Variants in PHACTR2 observed in about 807,000 individuals in gnomAD.
The protein encoded by PHACTR2 is chromosome 6 open reading frame 56.
Under a neutral mutation model 76.0 loss-of-function variants are expected in PHACTR2, and 30 were observed. The observed-to-expected ratio is 0.39, with a 90% CI of 0.30 to 0.54. The LOEUF (loss-of-function observed/expected upper bound fraction) is 0.54. Ranked by LOEUF, PHACTR2 falls within the 20% of genes least tolerant of loss-of-function variation. The pLI is 0.61. For missense variants in PHACTR2, 696 were observed against 781.1 expected (o/e 0.89, Z 1.30); for synonymous variants, 292 against 292.5 (o/e 1.00, Z 0.02).
chr6:143,693,517 C>T (rs917942153), intron 1 of PHACTR2, among the ~76,000 whole-genome samples: 42 of 152,320 alleles, frequency 2.8e-4, no homozygotes, highest in East Asian at 2.5e-3. Flanking sequence ...GGATTACAGG[C>T]ATGAGCCACC....
intron 1 of PHACTR2, among the ~76,000 whole-genome samples, chr6:143,542,558 G>A (rs549880185): frequency 6.6e-6 from 1 of 152,136 alleles, no homozygotes; most frequent in Non-Finnish European, 1.5e-5. Flanking sequence ...GCTTCTGTTT[G>A]TCTCTCTGTT....
At chr6:143,732,126 A>T (rs146175427) in intron 2 of PHACTR2, among the ~76,000 whole-genome samples, 148 of 152,362 alleles carry the variant, frequency 9.7e-4, no homozygotes, top group African/African-American at 3.3e-3. Flanking sequence ...CTTTAAATTA[A>T]ATGGCCTTGT....
At chr6:143,706,849 T>C (rs1225741808) in intron 1 of PHACTR2, among the ~76,000 whole-genome samples, 2 of 152,216 alleles carry the variant, frequency 1.3e-5, no homozygotes, top group Non-Finnish European at 2.9e-5. Context: ...ATACCATCAC[T>C]TCACCCTGAC....
rs1451300746 is a variant in PHACTR2 at position 143,818,557 on chromosome 6, A to G, written c.1923-5117A>G. 6.6e-6 allele frequency among the ~76,000 whole-genome samples: 1 copy of G among 152,250 alleles called. No homozygotes were observed. Among genetic ancestry groups the G allele is most frequent in the African/African-American group, 2.4e-5 (1 of 41,466 alleles). On this transcript the variant is annotated intron_variant, in intron 12 of 12. Coordinates refer to ENST00000440869, the MANE Select transcript of PHACTR2 (RefSeq NM_001100164.2). This position sits in a 1 kb window ranked among gnomAD's most constrained non-coding sequence, Gnocchi z 4.9. ...TCCATTCTCATGCTGTTATAAGGACATACCCGAGACTGGGTAATTTATAAA... is the reference window on the plus strand; with the variant it reads ...TCCATTCTCATGCTGTTATAAGGACGTACCCGAGACTGGGTAATTTATAAA...
chr6:143,642,248 G>C (rs139785184), intron 1 of PHACTR2, among the ~76,000 whole-genome samples: 1 of 152,188 alleles, frequency 6.6e-6, no homozygotes, highest in Non-Finnish European at 1.5e-5. Flanking sequence ...TGAAGATCCA[G>C]CTTCTGTACC....
At chr6:143,628,973 A>ATATATATG (rs1776312530) in intron 1 of PHACTR2, among the ~76,000 whole-genome samples, 1 of 110,800 alleles carries the variant, frequency 9.0e-6, no homozygotes, top group Non-Finnish European at 1.8e-5. Flanking sequence ...ATATATATAT[A>ATATATATG]TATATACTGC....
At position 143,571,417 on chromosome 6, in the gene PHACTR2, TC is replaced by T. The variant is rs757155099; in HGVS notation, c.217+34211del. Among the ~76,000 whole-genome samples the T allele has an allele frequency of 9.9e-5, 15 of 152,202 alleles. No homozygotes were observed. Among genetic ancestry groups the T allele is most frequent in the Non-Finnish European group, 1.8e-4 (12 of 68,038 alleles). Reference sequence around the variant, plus strand: ...ATAATCCATTACTATCTACTTTATTTCTTTTTTTAGAGACCCTCCAGCTCTG... The same window carrying T: ...ATAATCCATTACTATCTACTTTATTTTTTTTTTAGAGACCCTCCAGCTCTG... On this transcript the variant is annotated intron_variant, in intron 1 of 11. Transcript: ENST00000367584. The surrounding 1 kb of genome is among the most constrained non-coding windows in gnomAD (Gnocchi z 4.6).
At chr6:143,810,734 A>G (rs1255972926) in intron 12 of PHACTR2, among the ~76,000 whole-genome samples, 1 of 151,882 alleles carries the variant, frequency 6.6e-6, no homozygotes, top group Non-Finnish European at 1.5e-5. Flanking sequence ...TGGGTGGCTG[A>G]GGTGAGAGAA....
chr6:143,738,623 G>GT lies in PHACTR2; in HGVS notation c.215-10361dup, dbSNP rs1363308595. 6.6e-6 allele frequency among the ~76,000 whole-genome samples: 1 copy of GT among 151,848 alleles called. No homozygotes were observed. The highest frequency in any genetic ancestry group is 1.9e-4 in the East Asian group (1 of 5,146). On this transcript the variant is annotated intron_variant, in intron 2 of 12. Transcript: ENST00000440869. The surrounding 1 kb of genome is among the most constrained non-coding windows in gnomAD (Gnocchi z 4.0). ...AAACAAAAATTAGCTGGGCATGGTG[G>GT]TGCATGCCTGTAGTCCCAGCTACTT...
Position 143,813,779 on chromosome 6 carries a change from TTGAGAAG to T in PHACTR2, c.1922+6648_1922+6654del, listed in dbSNP as rs1776236426. Among the ~76,000 whole-genome samples, 3 of 152,280 alleles carry T rather than the reference TTGAGAAG, an allele frequency of 2.0e-5. No individual in the cohort carries two copies. In the East Asian group the frequency reaches 5.8e-4, roughly 29 times the overall value. On this transcript the variant is annotated intron_variant, in intron 12 of 12. Coordinates refer to ENST00000440869, the MANE Select transcript of PHACTR2 (RefSeq NM_001100164.2). ...TAATGGTAAGAAGTTTTTCTTCATG[TTGAGAAG>T]TTTCTTAATGTTGAGAAGTTTTCTC...
At chr6:143,551,775 G>A (rs1041054650) in intron 1 of PHACTR2, among the ~76,000 whole-genome samples, 1 of 152,132 alleles carries the variant, frequency 6.6e-6, no homozygotes, top group African/African-American at 2.4e-5. Context: ...TGTTATCTGT[G>A]GTTGATATTA....
At chr6:143,670,841 A>G (rs1022415760) in intron 1 of PHACTR2, among the ~76,000 whole-genome samples, 11 of 152,070 alleles carry the variant, frequency 7.2e-5, no homozygotes, top group Admixed American at 1.3e-4. Context: ...GCCTACTTCT[A>G]TCAATTCATC....
At chr6:143,669,499 G>A (rs184406003) in intron 1 of PHACTR2, among the ~76,000 whole-genome samples, 2 of 152,246 alleles carry the variant, frequency 1.3e-5, no homozygotes, top group Admixed American at 1.3e-4. Context: ...ATTATTGCAT[G>A]GGAGTCTAAG....
chr6:143,560,702 G>T (rs1270968427), intron 1 of PHACTR2, among the ~76,000 whole-genome samples: 3 of 152,182 alleles, frequency 2.0e-5, no homozygotes, highest in Admixed American at 2.0e-4. Flanking sequence ...TCACCCAGAG[G>T]AGGTATTGGA....
At position 143,672,923 on chromosome 6, in the gene PHACTR2, C is replaced by T. The variant is rs1484137928; in HGVS notation, c.14-39093C>T. ...TATTTTTAGTAGAGACAGGGTTTCA[C>T]CATGTTGGCCAGGCTGGTCTCAAGC... On this transcript the variant is annotated intron_variant, in intron 1 of 11. Coordinates refer to the PHACTR2 transcript ENST00000305766. This position sits in a 1 kb window ranked among gnomAD's most constrained non-coding sequence, Gnocchi z 5.8. Among the ~76,000 whole-genome samples, 2 of 152,188 alleles carry T rather than the reference C, an allele frequency of 1.3e-5. No individual in the cohort carries two copies. Among genetic ancestry groups the T allele is most frequent in the African/African-American group, 4.8e-5 (2 of 41,520 alleles).
chr6:143,791,058 T>C lies in PHACTR2; in HGVS notation c.1845+2148T>C, dbSNP rs79721622. On this transcript the variant is annotated intron_variant, in intron 11 of 12. Transcript: ENST00000440869. This position sits in a 1 kb window ranked among gnomAD's most constrained non-coding sequence, Gnocchi z 4.7. ...ATGATTTTGTTTCTGGTTTTAAAAA[T>C]TCTTTGCATACCAAAATGATAGATA... Among the ~76,000 whole-genome samples, 1,107 of 152,334 alleles carry C rather than the reference T, an allele frequency of 7.3e-3. 7 individuals carry two copies. The highest frequency in any genetic ancestry group is 0.02 in the Middle Eastern group (6 of 294).
chr6:143,827,158 ATATATATAT>A lies in PHACTR2; in HGVS notation c.*3470_*3478del, dbSNP rs1776553212. 3.8e-4 allele frequency: 13 copies of A among 33,810 alleles called. No homozygotes were observed. The highest frequency in any genetic ancestry group is 8.6e-4 in the African/African-American group (7 of 8,146). The allele number at this position is 33,810 out of a possible 1,614,324, so 2.1% of individuals were successfully genotyped here. On this transcript the variant is annotated 3_prime_UTR_variant, in exon 13 of 13. Coordinates refer to ENST00000440869, the MANE Select transcript of PHACTR2 (RefSeq NM_001100164.2). ...CTGCGTTGGCATTAAAAAAGAAAAT[ATATATATAT>A]ATATATATATATATATATATATATA...
At chr6:143,786,330 A>G (rs1210738578) in intron 10 of PHACTR2, among the ~76,000 whole-genome samples, 1 of 152,242 alleles carries the variant, frequency 6.6e-6, no homozygotes, top group Non-Finnish European at 1.5e-5. Flanking sequence ...CAAGTTCCTT[A>G]TCTCCATCTG....
chr6:143,810,831 C>CAAA (rs750421924), intron 12 of PHACTR2, among the ~76,000 whole-genome samples: 2 of 132,566 alleles, frequency 1.5e-5, no homozygotes, highest in Non-Finnish European at 3.3e-5. Flanking sequence ...GACCCTGTCT[C>CAAA]AAAAAAAAAA....
Sources: gnomAD v4.1 joint callset for allele counts (sites outside exome capture counted in the v4.1 genomes callset) on GRCh38, gnomAD v4.1.1 for gene constraint, Gnocchi (gnomAD v3.1) non-coding constraint, MANE v1.5 for transcripts, NCBI Gene and HGNC (gene_info 2026-07-23, HGNC 2026-07-21) for gene names.